The following TRAF3IP2 variants were observed in gnomAD, a reference collection of about 807,000 sequenced individuals.
The protein encoded by TRAF3IP2 is E3 ubiquitin ligase TRAF3IP2.
A neutral mutation model predicts 57.9 loss-of-function variants in TRAF3IP2; 35 were observed. The observed-to-expected ratio is 0.60, with a 90% CI of 0.46 to 0.80. TRAF3IP2 has a LOEUF of 0.80. Ranked by LOEUF, TRAF3IP2 falls within the 30% of genes least tolerant of loss-of-function variation. The pLI is 0.00. For synonymous variants in TRAF3IP2, 251 were observed against 268.9 expected, an observed-to-expected ratio of 0.93 and a Z score of 0.65; for missense variants, 556 against 706.4, an observed-to-expected ratio of 0.79 and a Z score of 2.41.
At chr6:111,570,664 G>A (rs1188862146) in intron 5 of TRAF3IP2, among the ~76,000 whole-genome samples, 1 of 152,154 alleles carries the variant, frequency 6.6e-6, no homozygotes, top group Non-Finnish European at 1.5e-5. Context: ...CTCCTCCAGG[G>A]GCAATCAGTA....
intron 5 of TRAF3IP2, among the ~76,000 whole-genome samples, chr6:111,570,895 G>A (rs531847409): frequency 7.9e-5 from 12 of 151,442 alleles, no homozygotes; most frequent in Non-Finnish European, 1.2e-4. Flanking sequence ...AGTTGCCACA[G>A]TGCTTTCTTT....
At chr6:111,586,896 TAAC>T (rs1796353871) in intron 2 of TRAF3IP2, 1 of 152,184 alleles carries the variant, frequency 6.6e-6, no homozygotes, top group East Asian at 1.9e-4. Flanking sequence ...TTTTAAATAA[TAAC>T]AATAATAACT....
chr6:111,595,167 G>A (rs1796643235), intron 1 of TRAF3IP2, among the ~76,000 whole-genome samples: 1 of 152,184 alleles, frequency 6.6e-6, no homozygotes, highest in African/African-American at 2.4e-5. Context: ...GGGAGGCGGA[G>A]GTTGCAGTGA....
chr6:111,580,568 G>A (rs906799423), intron 2 of TRAF3IP2, among the ~76,000 whole-genome samples, 179 bp from the exon 3 acceptor site: 2 of 152,164 alleles, frequency 1.3e-5, no homozygotes, highest in Admixed American at 6.5e-5. Flanking sequence ...GTGTTTTCAC[G>A]AAATTCACTT....
chr6:111,594,604 T>C, intron 1 of TRAF3IP2: 1 of 408,628 alleles, frequency 2.4e-6, no homozygotes, highest in Non-Finnish European at 4.9e-6. Context: ...CATCCTCTGG[T>C]GGGAATTCTT....
In TRAF3IP2 at chr6:111,580,219, A is replaced by G. The variant is rs1796111620; in HGVS notation, c.1000T>C (p.Phe334Leu). Residue 334 changes from phenylalanine to leucine, a missense_variant, in exon 3 of 9, where the codon TTT becomes CTT. This residue lies in a region of TRAF3IP2 where 428 missense variants were observed against 498.7 expected (regional missense o/e 0.86). Transcript: ENST00000368761. The part of the protein sequence containing the change: ...EERPAQRDCS[F>L]PGLPRHQDQP... ...TACTGGTGCCTTGGAAGCCCCGGAA[A>G]GGAGCAGTCTCTCTGTGCGGGCCTC... 6.2e-7 allele frequency: 1 copy of G among 1,614,170 alleles called. No individual in the cohort carries two copies.
chr6:111,594,791 T>C (rs1207735518), intron 1 of TRAF3IP2, among the ~76,000 whole-genome samples: 3 of 152,328 alleles, frequency 2.0e-5, no homozygotes, highest in South Asian at 4.1e-4. Context: ...GGCGTGAGCC[T>C]GTAGTCCCAG....
At position 111,559,343 on chromosome 6, in the gene TRAF3IP2, GA is replaced by G; in HGVS notation, c.*61del. ...GAGTGCTACCGACCAGCCTCAGCCA[GA>G]ATGCTGTCAGAACAAGGCCCCAAAC... On this transcript the variant is annotated 3_prime_UTR_variant, in exon 9 of 9. Transcript: ENST00000368761. 1 of 1,575,190 alleles carries G rather than the reference GA, an allele frequency of 6.3e-7. No homozygotes were observed. Among genetic ancestry groups the G allele is most frequent in the Non-Finnish European group, 8.6e-7 (1 of 1,162,436 alleles).
chr6:111,585,947 T>C (rs1034355738), intron 2 of TRAF3IP2, among the ~76,000 whole-genome samples: 3 of 152,352 alleles, frequency 2.0e-5, no homozygotes, highest in Admixed American at 6.5e-5. Flanking sequence ...AACCAAATCC[T>C]AAATGAGGTT....
chr6:111,559,602 T>C (rs1795360507), intron 8 of TRAF3IP2, 51 bp from the exon 9 acceptor site: 1 of 1,591,354 alleles, frequency 6.3e-7, no homozygotes. Flanking sequence ...AAAACCTGGA[T>C]GCCAGATCCC....
chr6:111,603,606 C>T (rs1796942203), intron 1 of TRAF3IP2, among the ~76,000 whole-genome samples: 1 of 152,192 alleles, frequency 6.6e-6, no homozygotes, highest in Admixed American at 6.5e-5. Flanking sequence ...ACTACCCCAC[C>T]ATAATCTTTC....
chr6:111,576,206 A>G (rs1424551426), intron 3 of TRAF3IP2, among the ~76,000 whole-genome samples: 1 of 152,246 alleles, frequency 6.6e-6, no homozygotes, highest in African/African-American at 2.4e-5. Flanking sequence ...TTTAGCTCAT[A>G]ATAGGTAACA....
At chr6:111,571,019 G>A (rs1218787837) in intron 5 of TRAF3IP2, among the ~76,000 whole-genome samples, 2 of 150,952 alleles carry the variant, frequency 1.3e-5, no homozygotes, top group African/African-American at 4.9e-5. Context: ...CAATTCTTGT[G>A]CCTCAGCCTC....
chr6:111,566,354 C>G (rs1295234202), intron 7 of TRAF3IP2, 90 bp downstream of exon 7: 13 of 1,035,848 alleles, frequency 1.3e-5, no homozygotes, highest in Admixed American at 5.5e-5. Flanking sequence ...ATGCTGCCTT[C>G]AGCTGGTCTC....
chr6:111,566,434 C>G lies in TRAF3IP2; in HGVS notation c.1476+10G>C. Reference sequence around the variant, plus strand: ...GGACAGTGAGGTGTTGTGATCCCCTCCCCACTCACCATTCGATGAATGTAC... The same window carrying G: ...GGACAGTGAGGTGTTGTGATCCCCTGCCCACTCACCATTCGATGAATGTAC... On this transcript the variant is annotated intron_variant, in intron 7 of 8. Coordinates refer to ENST00000368761, the MANE Select transcript of TRAF3IP2 (RefSeq NM_147686.4). The G allele has an allele frequency of 6.2e-7, 1 of 1,605,132 alleles. No homozygotes were observed. The highest frequency in any genetic ancestry group is 2.2e-5 in the East Asian group (1 of 44,854).
intron 1 of TRAF3IP2, among the ~76,000 whole-genome samples, chr6:111,593,734 T>G (rs1796590890): frequency 6.6e-6 from 1 of 152,194 alleles, no homozygotes; most frequent in African/African-American, 2.4e-5. Context: ...TCATTGGCTC[T>G]GCAGAAAAGG....
intron 1 of TRAF3IP2, among the ~76,000 whole-genome samples, chr6:111,597,254 G>A (rs1796720287): frequency 6.6e-6 from 1 of 152,132 alleles, no homozygotes; most frequent in African/African-American, 2.4e-5. Flanking sequence ...TCCTGCCCAT[G>A]GGCAGGATTG....
intron 7 of TRAF3IP2, among the ~76,000 whole-genome samples, chr6:111,563,465 A>G (rs944927898): frequency 5.7e-4 from 87 of 152,224 alleles, no homozygotes; most frequent in Non-Finnish European, 9.1e-4. Flanking sequence ...AGAACACCAC[A>G]GATACAGTCC....
chr6:111,571,565 T>TTATATA (rs2128373702), intron 5 of TRAF3IP2, among the ~76,000 whole-genome samples: 1 of 152,314 alleles, frequency 6.6e-6, no homozygotes, highest in South Asian at 2.1e-4. Context: ...AGTCTCTATA[T>TTATATA]AATTATGGAG....
Sources: allele counts gnomAD v4.1 joint callset (sites outside exome capture counted in the v4.1 genomes callset), GRCh38; gene constraint gnomAD v4.1.1; regional missense constraint gnomAD v4.1.1; transcripts MANE v1.5; gene names NCBI Gene and HGNC (gene_info 2026-07-23, HGNC 2026-07-21).